The following ESYT3 variants were observed in gnomAD, a reference collection of about 807,000 sequenced individuals.
The protein encoded by ESYT3 is extended synaptotagmin 3, also known as extended synaptotagmin-3.
ESYT3 carries 101 observed loss-of-function variants against 111.5 expected under a neutral mutation model. That is an observed-to-expected ratio of 0.91 (90% confidence interval 0.77 to 1.07). The LOEUF (loss-of-function observed/expected upper bound fraction) is 1.07, where lower values mean the gene tolerates loss of function less well. ESYT3 is among the 50% of genes least tolerant of loss of function. The pLI is 0.00. For synonymous variants in ESYT3, 416 were observed against 446.8 expected (o/e 0.93, Z 0.87); for missense variants, 1,097 against 1,109.4 (o/e 0.99, Z 0.16).
chr3:138,475,696 G>A (rs953692651), intron 20 of ESYT3, among the ~76,000 whole-genome samples: 7 of 152,172 alleles, frequency 4.6e-5, no homozygotes, highest in Non-Finnish European at 7.3e-5. Context: ...GGGAGGCTGC[G>A]GCAGGCAGAT....
chr3:138,444,705 A>G (rs941702428), intron 1 of ESYT3, among the ~76,000 whole-genome samples: 3 of 152,232 alleles, frequency 2.0e-5, no homozygotes, highest in African/African-American at 7.2e-5. Flanking sequence ...TAGAGGGCAG[A>G]GCAGGCCCGG....
Position 138,457,592 on chromosome 3 carries a change from G to C in ESYT3, c.529G>C (p.Ala177Pro). The change falls in exon 4 of 23, where the codon GCA (alanine) becomes CCA (proline). Residue 177 changes from alanine (A) to proline (P), a missense_variant. Transcript: ENST00000389567. ...GTGTCCCAGGGTCAACGGTGTCAAG[G>C]CACACACTAATACGTGCAACCGAAG... ...QKCPRVNGVK[A>P]HTNTCNRRRV... 1.2e-6 allele frequency: 2 copies of C among 1,614,140 alleles called. No individual in the cohort carries two copies. Among genetic ancestry groups the C allele is most frequent in the Non-Finnish European group, 1.7e-6 (2 of 1,180,034 alleles).
chr3:138,459,236 G>A lies in ESYT3; in HGVS notation c.631G>A (p.Gly211Ser). 6.4e-7 allele frequency: 1 copy of A among 1,561,600 alleles called. No individual in the cohort carries two copies. Among genetic ancestry groups the A allele is most frequent in the Non-Finnish European group, 8.7e-7 (1 of 1,147,430 alleles). The change falls in exon 5 of 23, where the codon GGT becomes AGT. Residue 211 changes from glycine to serine, a missense_variant. Transcript: ENST00000389567. ...ISVELQKIQA[G>S]VNGIQLQGTL... The stretch of plus-strand genomic sequence containing the variant: ...TGTGGAGCTGCAGAAGATTCAGGCT[G>A]GTGTGAACGGGATCCAGGTGGGTGG...
At chr3:138,468,569 T>A (rs1214351981) in intron 12 of ESYT3, 86 bp from the exon 13 acceptor site, 4 of 1,413,960 alleles carry the variant, frequency 2.8e-6, no homozygotes, top group Non-Finnish European at 4.0e-6. Flanking sequence ...TAGCTGGCTT[T>A]CTTCTGCCAT....
At chr3:138,471,438 T>C (rs538398503) in intron 17 of ESYT3, among the ~76,000 whole-genome samples, 1 of 152,376 alleles carries the variant, frequency 6.6e-6, no homozygotes, top group East Asian at 1.9e-4. Flanking sequence ...ATGGTGGTTT[T>C]TCATTTCTAT....
intron 18 of ESYT3, 54 bp from the exon 19 acceptor site, chr3:138,473,482 G>T: frequency 6.7e-7 from 1 of 1,500,276 alleles, no homozygotes. Flanking sequence ...GGGGGTGGCG[G>T]AAGAGGGCCA....
At chr3:138,470,567 T>A in intron 16 of ESYT3, 4 of 1,163,496 alleles carry the variant, frequency 3.4e-6, no homozygotes, top group Non-Finnish European at 4.3e-6. Flanking sequence ...GGAGCTGGGA[T>A]CTTTTAGGGC....
chr3:138,435,339 C>A lies in ESYT3; in HGVS notation c.327+214C>A, dbSNP rs953118912. Among the ~76,000 whole-genome samples, 3 of 152,236 alleles carry A rather than the reference C, an allele frequency of 2.0e-5. No individual in the cohort carries two copies. The highest frequency in any genetic ancestry group is 4.4e-5 in the Non-Finnish European group (3 of 68,046). ...CAGCACCCTCACGTCCACCTCTGGT[C>A]CGACTGCGGTGGGAGTGGGGAACTT... On this transcript the variant is annotated intron_variant, in intron 1 of 22. Coordinates refer to ENST00000389567, the MANE Select transcript of ESYT3 (RefSeq NM_031913.5). The surrounding 1 kb of genome is among the most constrained non-coding windows in gnomAD (Gnocchi z 4.8).
chr3:138,461,862 G>A (rs754053236), intron 7 of ESYT3, among the ~76,000 whole-genome samples: 1 of 152,188 alleles, frequency 6.6e-6, no homozygotes, highest in Non-Finnish European at 1.5e-5. Flanking sequence ...GGCAGAGGGA[G>A]TTGGGGACGT....
In ESYT3 at chr3:138,435,103, G is replaced by A. The variant is rs1046639697; in HGVS notation, c.305G>A (p.Arg102Gln). The change falls in exon 1 of 23, where the codon CGG becomes CAG. Residue 102 changes from arginine (R) to glutamine (Q), a missense_variant. Transcript: ENST00000389567. This position sits in a 1 kb window ranked among gnomAD's most constrained non-coding sequence, Gnocchi z 4.8. The stretch of plus-strand genomic sequence containing the variant: ...CGCGAGTTCATCAGCCGCGAGCTGC[G>A]GGGCCAGCACCTGCCAGCCTGGGTG... The part of the protein sequence containing the change: ...NEREFISREL[R>Q]GQHLPAWIHF... The A allele has an allele frequency of 1.9e-6, 3 of 1,589,298 alleles. No individual in the cohort carries two copies. The highest frequency in any genetic ancestry group is 1.1e-5 in the South Asian group (1 of 87,494).
intron 19 of ESYT3, 112 bp downstream of exon 19, chr3:138,473,746 CTT>C (rs2033356083): frequency 2.2e-6 from 2 of 909,664 alleles, no homozygotes; most frequent in African/African-American, 3.3e-5. Context: ...ATAAATAACA[CTT>C]TGGGGGAAAA....
Position 138,474,144 on chromosome 3 carries a change from C to G in ESYT3, c.2337-77C>G, listed in dbSNP as rs1576470219. On this transcript the variant is annotated intron_variant, in intron 19 of 22. Transcript: ENST00000389567. ...TTGAAGTGTTTGAAACTCTCAAACA[C>G]TGAAACTCTCAAATGTTCAGTGTTT... 5 of 1,560,296 alleles carry G rather than the reference C, an allele frequency of 3.2e-6. No individual in the cohort carries two copies. The Admixed American group carries it at 1.0e-4, about 31-fold the overall frequency.
intron 4 of ESYT3, among the ~76,000 whole-genome samples, chr3:138,458,284 C>T (rs2032409891): frequency 2.0e-5 from 3 of 152,202 alleles, no homozygotes; most frequent in South Asian, 4.1e-4. Context: ...GCTAGTTCTT[C>T]GGACCGCCCA....
rs11268903 is a variant in ESYT3, at chr3:138,443,736, C to CTGTGTGTGTGTGTGTGTGTG, written c.328-8311_328-8292dup. 1.9e-3 allele frequency among the ~76,000 whole-genome samples: 285 copies of CTGTGTGTGTGTGTGTGTGTG among 147,980 alleles called. 1 individual carries two copies. Among genetic ancestry groups the CTGTGTGTGTGTGTGTGTGTG allele is most frequent in the African/African-American group, 6.7e-3 (269 of 39,970 alleles). ...TGTCCACACATCTGTGTTTGTGCAT[C>CTGTGTGTGTGTGTGTGTGTG]TGTGTGTGTGTGTGTGTGTGACATG... On this transcript the variant is annotated intron_variant, in intron 1 of 22. Coordinates refer to ENST00000389567, the MANE Select transcript of ESYT3 (RefSeq NM_031913.5).
intron 3 of ESYT3, among the ~76,000 whole-genome samples, chr3:138,456,157 CA>C (rs2108609957): frequency 6.6e-6 from 1 of 152,366 alleles, no homozygotes; most frequent in Admixed American, 6.5e-5. Context: ...TTCTGCCATT[CA>C]AACTGGCTTG....
chr3:138,448,266 TAAAAAA>T (rs71146126), intron 1 of ESYT3, among the ~76,000 whole-genome samples: 23 of 44,592 alleles, frequency 5.2e-4, no homozygotes, highest in Non-Finnish European at 6.8e-4. Flanking sequence ...AAACTCGATC[TAAAAAA>T]AAAAAAAAAA....
chr3:138,452,149 G>A, intron 2 of ESYT3, 60 bp downstream of exon 2: 2 of 1,557,554 alleles, frequency 1.3e-6, no homozygotes, highest in South Asian at 1.1e-5. Flanking sequence ...CCTCCCCGCG[G>A]CTGTCACCCC....
chr3:138,442,896 T>A (rs541242047), intron 1 of ESYT3, among the ~76,000 whole-genome samples: 4 of 152,350 alleles, frequency 2.6e-5, no homozygotes, highest in Admixed American at 2.6e-4. Context: ...TGTGGTCTTA[T>A]CAGCATTGAA....
At chr3:138,472,976 T>A in intron 18 of ESYT3, 117 bp downstream of exon 18, 1 of 1,514,402 alleles carries the variant, frequency 6.6e-7, no homozygotes, top group Non-Finnish European at 8.8e-7. Context: ...ACAAAATATC[T>A]TCCTAAGAGG....
Sources: allele counts gnomAD v4.1 joint callset (sites outside exome capture counted in the v4.1 genomes callset), GRCh38; gene constraint gnomAD v4.1.1; non-coding constraint Gnocchi (gnomAD v3.1); transcripts MANE v1.5; gene names NCBI Gene and HGNC (gene_info 2026-07-23, HGNC 2026-07-21).